SLC24A2: variants seen among roughly 807,000 people sequenced by gnomAD.
SLC24A2 encodes solute carrier family 24 member 2.
Under a neutral mutation model 62.0 loss-of-function variants are expected in SLC24A2, and 36 were observed. That is an observed-to-expected ratio of 0.58 (90% CI 0.44 to 0.77). The LOEUF is 0.77. SLC24A2 is among the 30% of genes least tolerant of loss of function. SLC24A2 has a pLI of 0.00. For synonymous variants in SLC24A2, 358 were observed against 294.0 expected (o/e 1.22, Z -2.23); for missense variants, 846 against 817.9 (o/e 1.03, Z -0.42).
the SLC24A2 span, among the ~76,000 whole-genome samples, chr9:19,971,775 A>G: frequency 1.3e-5 from 2 of 152,154 alleles, no homozygotes; most frequent in African/African-American, 4.8e-5. Context: ...GATGATGATG[A>G]TGATGACGAT....
chr9:20,087,176 CTGGTCCCAAATG>C, the SLC24A2 span, among the ~76,000 whole-genome samples: 1 of 152,176 alleles, frequency 6.6e-6, no homozygotes, highest in African/African-American at 2.4e-5. Context: ...TTAGTTCATT[CTGGTCCCAAATG>C]TGGACATTAA....
At chr9:20,275,535 T>G in the SLC24A2 span, among the ~76,000 whole-genome samples, 2 of 152,210 alleles carry the variant, frequency 1.3e-5, no homozygotes, top group African/African-American at 4.8e-5. Flanking sequence ...ACATTCCTCT[T>G]CTTAGACACC....
At chr9:20,299,519 C>T in the SLC24A2 span, among the ~76,000 whole-genome samples, 1 of 152,182 alleles carries the variant, frequency 6.6e-6, no homozygotes, top group Non-Finnish European at 1.5e-5. Flanking sequence ...GCTCCAATGT[C>T]TCATTTGGGA....
At chr9:20,099,018 A>G in the SLC24A2 span, among the ~76,000 whole-genome samples, 1 of 152,342 alleles carries the variant, frequency 6.6e-6, no homozygotes, top group South Asian at 2.1e-4. Context: ...CATTATGCAG[A>G]TGGTAATGTA....
the SLC24A2 span, among the ~76,000 whole-genome samples, chr9:20,113,576 T>C: frequency 5.0e-4 from 76 of 152,214 alleles, no homozygotes; most frequent in Non-Finnish European, 7.5e-4. Context: ...AATATTTCTA[T>C]AATTATTCTA....
intron 2 of SLC24A2, among the ~76,000 whole-genome samples, chr9:19,671,396 T>C (rs1587129972): frequency 6.6e-6 from 1 of 151,392 alleles, no homozygotes; most frequent in Non-Finnish European, 1.5e-5. Flanking sequence ...ATTTGTGTTC[T>C]TTAATTTTGT....
chr9:19,998,761 A>T, the SLC24A2 span, among the ~76,000 whole-genome samples: 1 of 151,582 alleles, frequency 6.6e-6, no homozygotes, highest in Non-Finnish European at 1.5e-5. Flanking sequence ...ATAGAAACTC[A>T]CTCCTTCTCC....
the SLC24A2 span, among the ~76,000 whole-genome samples, chr9:19,905,879 G>A: frequency 2.0e-5 from 3 of 152,130 alleles, no homozygotes; most frequent in African/African-American, 7.2e-5. Flanking sequence ...TGAAACTCAA[G>A]AGAATTTAAC....
At chr9:19,565,874 CTATTT>C (rs1299486398) in intron 7 of SLC24A2, among the ~76,000 whole-genome samples, 1 of 151,280 alleles carries the variant, frequency 6.6e-6, no homozygotes, top group Non-Finnish European at 1.5e-5. Context: ...AAAGGATTCT[CTATTT>C]AATAAATGGT....
chr9:20,026,740 G>A, the SLC24A2 span, among the ~76,000 whole-genome samples: 1 of 152,096 alleles, frequency 6.6e-6, no homozygotes, highest in Non-Finnish European at 1.5e-5. Flanking sequence ...AAACATAGGG[G>A]AAAAGCTCCG....
the SLC24A2 span, among the ~76,000 whole-genome samples, chr9:20,129,961 A>ACACACACACG: frequency 6.6e-6 from 1 of 151,820 alleles, no homozygotes; most frequent in Non-Finnish European, 1.5e-5. Flanking sequence ...ACACACACAC[A>ACACACACACG]CACAGAGGTT....
the SLC24A2 span, among the ~76,000 whole-genome samples, chr9:20,212,728 C>A: frequency 6.6e-6 from 1 of 151,454 alleles, no homozygotes; most frequent in African/African-American, 2.4e-5. Context: ...AACATTGTAG[C>A]CTATGTATAA....
At chr9:19,731,975 C>T (rs1039260674) in intron 2 of SLC24A2, among the ~76,000 whole-genome samples, 3 of 152,102 alleles carry the variant, frequency 2.0e-5, no homozygotes, top group African/African-American at 7.2e-5. Context: ...CAATATCTAC[C>T]AGGGTTGTGA....
At chr9:20,276,201 G>A in the SLC24A2 span, among the ~76,000 whole-genome samples, 3 of 152,148 alleles carry the variant, frequency 2.0e-5, no homozygotes, top group African/African-American at 7.2e-5. Flanking sequence ...TCTGCCTATA[G>A]CCTGTAAAAT....
chr9:20,232,203 G>T, the SLC24A2 span, among the ~76,000 whole-genome samples: 4 of 151,838 alleles, frequency 2.6e-5, no homozygotes, highest in Non-Finnish European at 2.9e-5. Flanking sequence ...TCTCTTTTTT[G>T]GTTGTGTCTC....
chr9:20,020,502 A>G, the SLC24A2 span, among the ~76,000 whole-genome samples: 2 of 152,174 alleles, frequency 1.3e-5, no homozygotes, highest in Non-Finnish European at 2.9e-5. Flanking sequence ...GTTCTTACTC[A>G]TAAGTGGGAG....
chr9:19,987,482 A>T, the SLC24A2 span, among the ~76,000 whole-genome samples: 1 of 152,128 alleles, frequency 6.6e-6, no homozygotes, highest in Non-Finnish European at 1.5e-5. Context: ...TCATCTAGGA[A>T]CATATAGCAA....
intron 2 of SLC24A2, among the ~76,000 whole-genome samples, chr9:19,646,943 C>G (rs1818653305): frequency 6.6e-6 from 1 of 152,012 alleles, no homozygotes; most frequent in Non-Finnish European, 1.5e-5. Flanking sequence ...GCCCATTCCC[C>G]TGTAGAAGTC....
chr9:19,611,267 A>C (rs1413162996), intron 4 of SLC24A2, among the ~76,000 whole-genome samples: 5 of 151,570 alleles, frequency 3.3e-5, no homozygotes, highest in Admixed American at 3.3e-4. Flanking sequence ...AAGGGAAATG[A>C]CATGTGAGAG....
Sources: gnomAD v4.1 joint callset for allele counts (sites outside exome capture counted in the v4.1 genomes callset) on GRCh38, gnomAD v4.1.1 for gene constraint, MANE v1.5 for transcripts, NCBI Gene and HGNC (gene_info 2026-07-23, HGNC 2026-07-21) for gene names.